The following SPECC1 variants were observed in gnomAD, a reference collection of about 807,000 sequenced individuals.
SPECC1 encodes the protein cytospin-B.
SPECC1 carries 62 observed loss-of-function variants against 104.1 expected under a neutral mutation model. The observed-to-expected ratio is 0.60, with a 90% CI of 0.49 to 0.74. The LOEUF is 0.74. Among genes scored for constraint, SPECC1 ranks in the 30% least tolerant of loss-of-function variants. The pLI is 0.00. For synonymous variants in SPECC1, 513 were observed against 501.6 expected, an observed-to-expected ratio of 1.02 and a Z score of -0.30; for missense variants, 1,306 against 1,310.5, an observed-to-expected ratio of 1.00 and a Z score of 0.05.
At chr17:20,251,100 G>A (rs969271121) in intron 9 of SPECC1, among the ~76,000 whole-genome samples, 12 of 151,438 alleles carry the variant, frequency 7.9e-5, no homozygotes, top group African/African-American at 2.7e-4. Context: ...GGTGGTGCAC[G>A]CCTGTAACCC....
In SPECC1 at chr17:20,318,277, A is replaced by T. The variant is rs1567632305; in HGVS notation, c.*4212A>T. On this transcript the variant is annotated 3_prime_UTR_variant, in exon 15 of 15. Transcript: ENST00000395527. ...ACATGGATTGAATTTTCCTTGTCTG[A>T]TGGTAACCCATGGCCCCCGCCCTGC... 2 of 232,460 alleles carry T rather than the reference A, an allele frequency of 8.6e-6. No homozygotes were observed. Among genetic ancestry groups the T allele is most frequent in the African/African-American group, 4.4e-5 (2 of 45,306 alleles). The allele number at this position is 232,460 out of a possible 1,614,324, so 14.4% of individuals were successfully genotyped here.
At chr17:20,185,891 G>A (rs989389622) in intron 3 of SPECC1, among the ~76,000 whole-genome samples, 2 of 152,164 alleles carry the variant, frequency 1.3e-5, no homozygotes, top group African/African-American at 4.8e-5. Flanking sequence ...AGGCTGGAGT[G>A]CAATGGCACG....
chr17:20,227,514 T>C lies in SPECC1; in HGVS notation c.1965T>C (p.Asp655=). Residue 655 remains aspartate (D), a synonymous_variant, in exon 5 of 15, where the codon GAT becomes GAC. Transcript: ENST00000395527. ...LKLQEKASES[D]AEIKDMKETI... ...TGCAAGAAAAAGCATCAGAGAGTGA[T>C]GCAGAGATCAAAGACATGAAAGAAA... is the stretch of plus-strand genomic sequence containing the variant. 1 of 1,613,584 alleles carries C rather than the reference T, an allele frequency of 6.2e-7. No homozygotes were observed. Among genetic ancestry groups the C allele is most frequent in the Non-Finnish European group, 8.5e-7 (1 of 1,179,848 alleles).
At chr17:20,252,140 C>G (rs922690079) in intron 9 of SPECC1, among the ~76,000 whole-genome samples, 2 of 152,084 alleles carry the variant, frequency 1.3e-5, no homozygotes, top group African/African-American at 4.8e-5. Flanking sequence ...TGCTTACTTG[C>G]ATTCTGAAAT....
At chr17:20,055,964 A>G (rs972444348) in intron 1 of SPECC1, among the ~76,000 whole-genome samples, 9 of 152,202 alleles carry the variant, frequency 5.9e-5, no homozygotes, top group Admixed American at 1.3e-4. Flanking sequence ...GGGCCTGCTT[A>G]GGGCTGAGCC....
chr17:20,089,390 C>T (rs2047309766), intron 1 of SPECC1, among the ~76,000 whole-genome samples: 1 of 151,934 alleles, frequency 6.6e-6, no homozygotes, highest in African/African-American at 2.4e-5. Flanking sequence ...TTTTGGGAGG[C>T]TTGACGCGGG....
rs1310366887 is a variant in SPECC1 at position 20,093,719 on chromosome 17, T to TG, written c.-21-2911dup. Among the ~76,000 whole-genome samples, 901 of 104,916 alleles carry TG rather than the reference T, an allele frequency of 8.6e-3. 8 individuals are homozygous for TG. Among genetic ancestry groups the TG allele is most frequent in the African/African-American group, 0.03 (848 of 28,178 alleles). 68.8% of individuals were successfully genotyped at this position (104,916 alleles called of 152,430 possible). A position where few individuals can be genotyped will look rare whatever the true frequency, so the allele number is the denominator to read the frequency against. On this transcript the variant is annotated intron_variant, in intron 1 of 14. Transcript: ENST00000395527. The stretch of plus-strand genomic sequence containing the variant: ...ATTGTGGGTTTTTTGTTTTTGTTTT[T>TG]GTTTTTGTTTTTTGTTTTTTTTTTT...
intron 2 of SPECC1, among the ~76,000 whole-genome samples, chr17:20,101,406 C>G (rs2047939689): frequency 6.6e-6 from 1 of 152,198 alleles, no homozygotes; most frequent in East Asian, 1.9e-4. Flanking sequence ...TTGCATTTCT[C>G]TAGTGACCAG....
rs544132734 is a variant in SPECC1 at position 20,179,036 on chromosome 17, A to G, written c.284-25297A>G. ...ATTATTGACTCTAAGGAACTAATAT[A>G]AATCTTCTGTATTCAGACATATCAG... is the stretch of plus-strand genomic sequence containing the variant. On this transcript the variant is annotated intron_variant, in intron 3 of 14. Coordinates refer to ENST00000395527, the MANE Select transcript of SPECC1 (RefSeq NM_001243439.2). Among the ~76,000 whole-genome samples the G allele has an allele frequency of 2.6e-5, 4 of 152,360 alleles. No homozygotes were observed. In the South Asian group the frequency reaches 8.3e-4, roughly 32 times the overall value.
At chr17:20,197,706 T>A (rs2151311177) in intron 3 of SPECC1, among the ~76,000 whole-genome samples, 1 of 152,324 alleles carries the variant, frequency 6.6e-6, no homozygotes, top group African/African-American at 2.4e-5. Context: ...CTTCATCCAC[T>A]TTTTTGTTTG....
chr17:20,299,106 C>G (rs914347862), intron 13 of SPECC1, among the ~76,000 whole-genome samples: 1 of 151,890 alleles, frequency 6.6e-6, no homozygotes, highest in African/African-American at 2.4e-5. Context: ...CAGGGAAGAG[C>G]TGATACTACA....
At chr17:20,015,125 A>C (rs1053081187) in intron 1 of SPECC1, among the ~76,000 whole-genome samples, 3 of 152,142 alleles carry the variant, frequency 2.0e-5, no homozygotes, top group Non-Finnish European at 4.4e-5. Flanking sequence ...TTCATTCTAA[A>C]GATTAATACA....
chr17:20,279,141 T>G (rs1458754151), intron 12 of SPECC1, among the ~76,000 whole-genome samples: 1 of 152,170 alleles, frequency 6.6e-6, no homozygotes, highest in African/African-American at 2.4e-5. Flanking sequence ...ATTTAGATAA[T>G]CACAGTCCCA....
At chr17:20,296,811 C>T (rs181723383) in intron 12 of SPECC1, 150 bp from the exon 13 acceptor site, 8,665 of 638,990 alleles carry the variant, frequency 0.014, 81 homozygotes, top group Non-Finnish European at 0.018. Context: ...CTCGTGAATT[C>T]GGCTCTCTGT....
intron 2 of SPECC1, among the ~76,000 whole-genome samples, chr17:20,104,740 C>CAAAAAAAAAA (rs745893309): frequency 3.5e-5 from 2 of 57,240 alleles, no homozygotes; most frequent in African/African-American, 1.4e-4. Context: ...GAGACTGTCT[C>CAAAAAAAAAA]AAAAAAAAAA....
intron 1 of SPECC1, among the ~76,000 whole-genome samples, chr17:20,020,913 G>A (rs984285499): frequency 2.6e-5 from 4 of 152,138 alleles, no homozygotes; most frequent in African/African-American, 9.7e-5. Context: ...TTGAAAATCT[G>A]TGTATAACTT....
intron 3 of SPECC1, among the ~76,000 whole-genome samples, chr17:20,159,463 G>A (rs1052159744): frequency 1.3e-5 from 2 of 152,236 alleles, no homozygotes; most frequent in African/African-American, 4.8e-5. Context: ...AAAGAGTAAA[G>A]AGGTAAAATC....
chr17:20,122,012 G>A (rs1300114947), intron 3 of SPECC1, among the ~76,000 whole-genome samples: 2 of 152,192 alleles, frequency 1.3e-5, no homozygotes, highest in South Asian at 4.1e-4. Flanking sequence ...CCTTCATAAA[G>A]GTACATGAGC....
At chr17:20,150,221 G>A (rs565410902) in intron 3 of SPECC1, among the ~76,000 whole-genome samples, 3 of 151,388 alleles carry the variant, frequency 2.0e-5, no homozygotes, top group African/African-American at 7.3e-5. Context: ...CTGACCTGGT[G>A]ATCTGCCCGC....
Sources: gnomAD v4.1 joint callset for allele counts (sites outside exome capture counted in the v4.1 genomes callset) on GRCh38, gnomAD v4.1.1 for gene constraint, MANE v1.5 for transcripts, NCBI Gene and HGNC (gene_info 2026-07-23, HGNC 2026-07-21) for gene names.